Variants in SYN2 observed in about 807,000 individuals in gnomAD.
The protein encoded by SYN2 is synapsin II, also known as synapsin-2.
Under a neutral mutation model 50.9 loss-of-function variants are expected in SYN2, and 19 were observed. That is an observed-to-expected ratio of 0.37 (90% CI 0.26 to 0.55). The LOEUF (loss-of-function observed/expected upper bound fraction) is 0.55. Among genes scored for constraint, SYN2 ranks in the 20% least tolerant of loss-of-function variants. The probability of loss-of-function intolerance (pLI) is 0.81; values close to 1 mark genes in which losing one functional copy is unlikely to be tolerated. For synonymous variants in SYN2, 255 were observed against 224.9 expected (o/e 1.13, Z -1.20); for missense variants, 587 against 576.4 (o/e 1.02, Z -0.19).
intron 1 of SYN2, among the ~76,000 whole-genome samples, chr3:12,043,553 A>T: frequency 6.6e-6 from 1 of 152,218 alleles, no homozygotes; most frequent in East Asian, 1.9e-4. Flanking sequence ...CAGAAAAATA[A>T]GGCTCAGAAA....
intron 10 of SYN2, among the ~76,000 whole-genome samples, chr3:12,175,097 T>G (rs1418252541): frequency 6.6e-6 from 1 of 152,178 alleles, no homozygotes; most frequent in African/African-American, 2.4e-5. Context: ...TATAGAAAAT[T>G]TTTAAAATAG....
chr3:12,085,316 A>G (rs1238025147), intron 1 of SYN2, among the ~76,000 whole-genome samples: 2 of 151,158 alleles, frequency 1.3e-5, no homozygotes, highest in Non-Finnish European at 2.9e-5. Flanking sequence ...CATCAAGAAG[A>G]CATAATAATC....
At chr3:12,034,532 G>C (rs387152) in intron 1 of SYN2, among the ~76,000 whole-genome samples, 119,936 of 152,084 alleles carry the variant, frequency 0.79, 47,542 homozygotes, top group Middle Eastern at 0.9. Context: ...TCTCACAGTT[G>C]TGGAGGCTAG....
chr3:12,018,196 C>T (rs1256219550), intron 1 of SYN2, among the ~76,000 whole-genome samples: 1 of 152,058 alleles, frequency 6.6e-6, no homozygotes, highest in Middle Eastern at 3.4e-3. Flanking sequence ...ACAGAAGGGA[C>T]AAATCTGAGC....
chr3:12,132,104 T>G (rs935879381), intron 1 of SYN2, among the ~76,000 whole-genome samples: 2 of 150,274 alleles, frequency 1.3e-5, no homozygotes, highest in Non-Finnish European at 1.5e-5. Context: ...ACTCCTGGGC[T>G]CAAGTGATCC....
intron 1 of SYN2, among the ~76,000 whole-genome samples, chr3:12,033,819 C>T (rs1260824472): frequency 6.6e-6 from 1 of 152,196 alleles, no homozygotes; most frequent in African/African-American, 2.4e-5. Flanking sequence ...TTTCAGGATT[C>T]ATCCACATTG....
At chr3:12,011,934 A>G (rs1396640265) in intron 1 of SYN2, among the ~76,000 whole-genome samples, 1 of 152,242 alleles carries the variant, frequency 6.6e-6, no homozygotes, top group African/African-American at 2.4e-5. Context: ...AAAGAGCCAT[A>G]CTAGTAGTTA....
chr3:12,007,972 A>G (rs1394402658), intron 1 of SYN2, among the ~76,000 whole-genome samples: 1 of 152,206 alleles, frequency 6.6e-6, no homozygotes, highest in Non-Finnish European at 1.5e-5. Flanking sequence ...ATTGAAATCA[A>G]GCTCTTTATA....
intron 1 of SYN2, among the ~76,000 whole-genome samples, chr3:12,015,530 C>T (rs761846143): frequency 5.3e-5 from 8 of 152,112 alleles, no homozygotes; most frequent in Admixed American, 3.3e-4. Flanking sequence ...CTGCATTAAC[C>T]GAAGTAACTA....
At chr3:12,052,191 C>A (rs1416170279) in intron 1 of SYN2, among the ~76,000 whole-genome samples, 4 of 152,124 alleles carry the variant, frequency 2.6e-5, no homozygotes, top group Non-Finnish European at 5.9e-5. Flanking sequence ...TGCTATATAT[C>A]ATTTTAAAAG....
intron 1 of SYN2, among the ~76,000 whole-genome samples, chr3:12,110,873 A>G (rs1272417547): frequency 2.0e-5 from 3 of 152,224 alleles, no homozygotes; most frequent in Non-Finnish European, 2.9e-5. Flanking sequence ...CTGGGAAGTA[A>G]CTAACTTGCT....
At chr3:12,153,677 C>T (rs772534309) in intron 5 of SYN2, 119 of 1,614,052 alleles carry the variant, frequency 7.4e-5, no homozygotes, top group Non-Finnish European at 9.7e-5. Flanking sequence ...CGTTAGGGGC[C>T]GAGATGGTAC....
At chr3:12,184,553 C>T (rs1372178503) in intron 11 of SYN2, 2 of 985,784 alleles carry the variant, frequency 2.0e-6, no homozygotes, top group East Asian at 1.1e-4. Context: ...TTGAGGTTGA[C>T]TCCTGCTTCA....
intron 1 of SYN2, among the ~76,000 whole-genome samples, chr3:12,114,919 T>C (rs1369419957): frequency 4.6e-5 from 7 of 152,140 alleles, no homozygotes; most frequent in South Asian, 2.1e-4. Context: ...ACTCCTCTGT[T>C]AGCCTGTAAC....
intron 1 of SYN2, among the ~76,000 whole-genome samples, chr3:12,038,721 T>C (rs970300977): frequency 1.3e-5 from 2 of 152,188 alleles, no homozygotes; most frequent in African/African-American, 4.8e-5. Flanking sequence ...TTATTGCTAG[T>C]ATATAGAAAT....
chr3:12,156,739 G>C, intron 5 of SYN2: 1 of 1,145,272 alleles, frequency 8.7e-7, no homozygotes, highest in South Asian at 1.3e-5. Context: ...ACTGCCCAAG[G>C]AAGACCCTGG....
At chr3:12,057,055 G>A (rs531013163) in intron 1 of SYN2, among the ~76,000 whole-genome samples, 1 of 152,200 alleles carries the variant, frequency 6.6e-6, no homozygotes, top group South Asian at 2.1e-4. Flanking sequence ...CCTTTGGGAG[G>A]CTGAGGCAAG....
At chr3:12,154,190 T>G (rs1697384477) in intron 5 of SYN2, 1 of 1,315,606 alleles carries the variant, frequency 7.6e-7, no homozygotes, top group African/African-American at 1.5e-5. Context: ...GCCTATAGAC[T>G]GTATTGCTTT....
At chr3:12,082,294 A>G (rs935268011) in intron 1 of SYN2, among the ~76,000 whole-genome samples, 2 of 152,202 alleles carry the variant, frequency 1.3e-5, no homozygotes, top group Admixed American at 6.5e-5. Context: ...GCCTGGTCAC[A>G]TGGACACCCT....
Sources: allele counts gnomAD v4.1 joint callset (sites outside exome capture counted in the v4.1 genomes callset), GRCh38; gene constraint gnomAD v4.1.1; transcripts MANE v1.5; gene names NCBI Gene and HGNC (gene_info 2026-07-23, HGNC 2026-07-21).